COL22A1: variants seen among roughly 807,000 people sequenced by gnomAD.
COL22A1 encodes the protein collagen alpha-1(XXII) chain.
Under a neutral mutation model 248.9 loss-of-function variants are expected in COL22A1, and 221 were observed. That is an observed-to-expected ratio of 0.89 (90% CI 0.80 to 0.99). The LOEUF is 0.99. Among genes scored for constraint, COL22A1 ranks in the 50% least tolerant of loss-of-function variants. COL22A1 has a pLI of 0.00. For missense variants in COL22A1, 2,240 were observed against 2,179.0 expected (o/e 1.03, Z -0.56); for synonymous variants, 891 against 793.4 (o/e 1.12, Z -2.07).
rs373096936 is a variant in COL22A1 at position 138,676,551 on chromosome 8, G to T, written c.3150+7C>A. 2.1e-4 allele frequency: 331 copies of T among 1,555,416 alleles called. No homozygotes were observed. Among genetic ancestry groups the T allele is most frequent in the Non-Finnish European group, 2.5e-4 (292 of 1,147,538 alleles). ...AGCAAGTAAGAGCTGGATAAATAAA[G>T]ACTTACAGGAGGGCCAGCAACCCCA... On this transcript the variant is annotated splice_region_variant and intron_variant, in intron 41 of 64. Coordinates refer to ENST00000303045, the MANE Select transcript of COL22A1 (RefSeq NM_152888.3).
chr8:138,865,498 T>C (rs1435366961), intron 3 of COL22A1, among the ~76,000 whole-genome samples: 1 of 144,760 alleles, frequency 6.9e-6, no homozygotes, highest in Non-Finnish European at 1.5e-5. Flanking sequence ...TGTGTATGTG[T>C]GTGTATGTTT....
At chr8:138,774,814 G>A (rs1245185609) in intron 16 of COL22A1, among the ~76,000 whole-genome samples, 4 of 152,168 alleles carry the variant, frequency 2.6e-5, no homozygotes, top group East Asian at 1.9e-4. Context: ...TCAGTGGAAC[G>A]CTGTGCAGTC....
In COL22A1 at chr8:138,588,666, TC is replaced by T. The variant is rs1280136831; in HGVS notation, c.*586del. Reference sequence around the variant, plus strand: ...TGATTCTGTGTTTTCCAAATGCACGTCCCGTCGGGAGGTGGGAACATTCCTC... The same window carrying T: ...TGATTCTGTGTTTTCCAAATGCACGTCCGTCGGGAGGTGGGAACATTCCTC... On this transcript the variant is annotated 3_prime_UTR_variant, in exon 65 of 65. Coordinates refer to ENST00000303045, the MANE Select transcript of COL22A1 (RefSeq NM_152888.3). 1 of 152,228 alleles carries T rather than the reference TC, an allele frequency of 6.6e-6. No homozygotes were observed. The highest frequency in any genetic ancestry group is 2.4e-5 in the African/African-American group (1 of 41,440). The allele number at this position is 152,228 out of a possible 1,614,324, so 9.4% of individuals were successfully genotyped here. A position where few individuals can be genotyped will look rare whatever the true frequency, so the allele number is the denominator to read the frequency against.
Position 138,877,760 on chromosome 8 carries a change from A to G in COL22A1, c.648T>C (p.Arg216=). ...IDKIRGKLRR[R]LCENVLCPSV... ...CCCGGGCGCACTCACTTTCACAAAG[A>G]CGGCGCCGCAGCTTGCCCCGGATCT... The change falls in exon 3 of 65, where the codon CGT becomes CGC. Residue 216 remains arginine (R), a synonymous_variant. Transcript: ENST00000303045. 6.3e-7 allele frequency: 1 copy of G among 1,584,142 alleles called. No individual in the cohort carries two copies. The highest frequency in any genetic ancestry group is 8.6e-7 in the Non-Finnish European group (1 of 1,163,668).
At chr8:138,739,920 C>T (rs879300271) in intron 22 of COL22A1, among the ~76,000 whole-genome samples, 1 of 152,202 alleles carries the variant, frequency 6.6e-6, no homozygotes, top group Admixed American at 6.5e-5. Flanking sequence ...TTTCTTGATA[C>T]TTGCCAGGTA....
chr8:138,757,074 C>T (rs960618481), intron 18 of COL22A1, among the ~76,000 whole-genome samples: 16 of 152,330 alleles, frequency 1.1e-4, no homozygotes, highest in South Asian at 2.1e-4. Context: ...TATTCTCACA[C>T]ACATGTGCTT....
intron 7 of COL22A1, among the ~76,000 whole-genome samples, chr8:138,814,884 C>A (rs1299918488): frequency 6.6e-6 from 1 of 152,208 alleles, no homozygotes; most frequent in Non-Finnish European, 1.5e-5. Context: ...TTCTCTGCCA[C>A]ATGTGCATCT....
chr8:138,602,247 G>A (rs1338842932), intron 59 of COL22A1, 88 bp from the exon 60 acceptor site: 14 of 1,470,886 alleles, frequency 9.5e-6, no homozygotes, highest in Non-Finnish European at 1.3e-5. Context: ...AGTCCTGCAT[G>A]CTGAGGACAA....
At chr8:138,811,552 G>A (rs902526038) in intron 9 of COL22A1, among the ~76,000 whole-genome samples, 1 of 152,074 alleles carries the variant, frequency 6.6e-6, no homozygotes, top group African/African-American at 2.4e-5. Context: ...TCACAAAGGA[G>A]TAACCTGGGA....
intron 12 of COL22A1, among the ~76,000 whole-genome samples, chr8:138,790,509 C>T (rs1360201868): frequency 6.6e-6 from 1 of 152,208 alleles, no homozygotes; most frequent in East Asian, 1.9e-4. Flanking sequence ...GAAGAAAATC[C>T]ACATGTCGTG....
chr8:138,750,758 G>A (rs111900363), intron 22 of COL22A1, among the ~76,000 whole-genome samples: 168 of 152,260 alleles, frequency 1.1e-3, no homozygotes, highest in African/African-American at 3.9e-3. Flanking sequence ...CAAGCTTAAC[G>A]GTTACAGTTC....
chr8:138,769,091 C>T (rs1383414461), intron 16 of COL22A1, among the ~76,000 whole-genome samples: 1 of 152,154 alleles, frequency 6.6e-6, no homozygotes, highest in African/African-American at 2.4e-5. Flanking sequence ...TCTCCTGACA[C>T]GTAGGCTCTC....
chr8:138,607,061 A>C (rs1023613034), intron 57 of COL22A1, among the ~76,000 whole-genome samples: 1 of 152,154 alleles, frequency 6.6e-6, no homozygotes, highest in Non-Finnish European at 1.5e-5. Context: ...AGCTGTCCCT[A>C]GTCCAACAAG....
intron 39 of COL22A1, among the ~76,000 whole-genome samples, chr8:138,683,148 T>C (rs780710891): frequency 1.1e-4 from 16 of 152,164 alleles, no homozygotes; most frequent in South Asian, 2.1e-4. Context: ...TCTGTTGACA[T>C]ATCTGTTTTC....
chr8:138,880,166 A>T (rs2132054950), intron 2 of COL22A1, among the ~76,000 whole-genome samples: 1 of 152,384 alleles, frequency 6.6e-6, no homozygotes, highest in East Asian at 1.9e-4. Flanking sequence ...GGAATTAAAT[A>T]AATTACTTAA....
At chr8:138,736,430 A>T (rs1421555530) in intron 23 of COL22A1, among the ~76,000 whole-genome samples, 1 of 151,882 alleles carries the variant, frequency 6.6e-6, no homozygotes, top group Non-Finnish European at 1.5e-5. Flanking sequence ...AATAAGGAAG[A>T]CTAAGACAGT....
chr8:138,728,381 T>A (rs1290139692), intron 23 of COL22A1, among the ~76,000 whole-genome samples: 1 of 152,042 alleles, frequency 6.6e-6, no homozygotes, highest in Non-Finnish European at 1.5e-5. Context: ...ACAGAGCATA[T>A]CCGAAGGCCC....
intron 18 of COL22A1, 127 bp downstream of exon 18, chr8:138,760,115 CT>C (rs1439722698): frequency 7.8e-5 from 46 of 590,746 alleles, no homozygotes; most frequent in Non-Finnish European, 5.5e-6. Flanking sequence ...AGCCACCACC[CT>C]TTGTGTGTGC....
chr8:138,898,237 C>T (rs935086795), intron 1 of COL22A1, among the ~76,000 whole-genome samples: 14 of 152,228 alleles, frequency 9.2e-5, no homozygotes, highest in Admixed American at 3.9e-4. Flanking sequence ...TCTGGGTGTA[C>T]GTAATAAAAC....
Sources: allele counts gnomAD v4.1 joint callset (sites outside exome capture counted in the v4.1 genomes callset), GRCh38; gene constraint gnomAD v4.1.1; transcripts MANE v1.5; gene names NCBI Gene and HGNC (gene_info 2026-07-23, HGNC 2026-07-21).